Variants in NCAM2 observed in about 807,000 individuals in gnomAD.
NCAM2 encodes the protein neural cell adhesion molecule 2.
In NCAM2, 30 loss-of-function variants were observed where a neutral mutation model predicts 98.1. The observed-to-expected ratio is 0.31, with a 90% CI of 0.23 to 0.41. The LOEUF is 0.41. NCAM2 is among the 10% of genes least tolerant of loss of function. NCAM2 has a pLI of 1.00. For missense variants in NCAM2, 867 were observed against 1,005.8 expected (o/e 0.86, Z 1.87); for synonymous variants, 368 against 342.4 (o/e 1.07, Z -0.83).
intron 1 of NCAM2, among the ~76,000 whole-genome samples, chr21:21,042,480 G>T (rs1270213740): frequency 6.6e-6 from 1 of 152,084 alleles, no homozygotes; most frequent in Admixed American, 6.6e-5. Flanking sequence ...CACTGCGCCT[G>T]ACCTTCATAT....
intron 1 of NCAM2, among the ~76,000 whole-genome samples, chr21:21,188,522 T>C (rs546468824): frequency 1.3e-5 from 2 of 152,306 alleles, no homozygotes; most frequent in African/African-American, 4.8e-5. Flanking sequence ...ATTGTGTTAT[T>C]CTCTAAAGGA....
chr21:21,496,068 A>G (rs62216091), intron 15 of NCAM2, among the ~76,000 whole-genome samples: 17,301 of 150,262 alleles, frequency 0.12, 1,198 homozygotes, highest in East Asian at 0.3. Context: ...GTACAGCACA[A>G]TGATGAACAT....
intron 1 of NCAM2, among the ~76,000 whole-genome samples, chr21:21,085,200 G>GGT (rs917827675): frequency 3.9e-4 from 49 of 125,220 alleles, no homozygotes; most frequent in African/African-American, 1.8e-3. Context: ...GTCTAGTTGG[G>GGT]GTTTTTTTTT....
chr21:21,444,245 T>C (rs1408907270), intron 12 of NCAM2, among the ~76,000 whole-genome samples: 1 of 152,206 alleles, frequency 6.6e-6, no homozygotes, highest in Non-Finnish European at 1.5e-5. Context: ...CAGTATTTTA[T>C]TGAGGATTTT....
In NCAM2 at chr21:21,081,804, GAAAAAGAAAA is replaced by G. The variant is rs1351378402; in HGVS notation, c.55+83202_55+83211del. ...TGGCAGAATGAGACTCCCTCTCAAA[GAAAAAGAAAA>G]AAAAAGAAAAAAAAATTATCTCATG... On this transcript the variant is annotated intron_variant, in intron 1 of 17. Coordinates refer to ENST00000400546, the MANE Select transcript of NCAM2 (RefSeq NM_004540.5). 3.4e-5 allele frequency among the ~76,000 whole-genome samples: 5 copies of G among 147,180 alleles called. No homozygotes were observed. In the East Asian group the frequency reaches 8.0e-4, roughly 24 times the overall value.
chr21:21,531,812 C>T (rs1398885183), intron 16 of NCAM2, among the ~76,000 whole-genome samples: 1 of 142,538 alleles, frequency 7.0e-6, no homozygotes, highest in Non-Finnish European at 1.5e-5. Flanking sequence ...AACCCCGTCT[C>T]TACTAAAAAA....
intron 1 of NCAM2, among the ~76,000 whole-genome samples, chr21:21,038,256 A>C (rs543155359): frequency 1.3e-5 from 2 of 152,342 alleles, no homozygotes; most frequent in East Asian, 3.9e-4. Flanking sequence ...TTTCAGCTGA[A>C]ATTTTGTATA....
At chr21:21,356,005 C>T (rs1052518114) in intron 8 of NCAM2, among the ~76,000 whole-genome samples, 3 of 152,138 alleles carry the variant, frequency 2.0e-5, no homozygotes, top group Non-Finnish European at 4.4e-5. Context: ...CAAAGTGGTC[C>T]TTGCTGTTTC....
At chr21:21,121,807 G>T in intron 1 of NCAM2, among the ~76,000 whole-genome samples, 1 of 152,306 alleles carries the variant, frequency 6.6e-6, no homozygotes, top group South Asian at 2.1e-4. Flanking sequence ...CCCATGGATC[G>T]ATCTGCTGCC....
intron 12 of NCAM2, among the ~76,000 whole-genome samples, chr21:21,460,043 A>T (rs553563800): frequency 6.6e-6 from 1 of 151,958 alleles, no homozygotes; most frequent in African/African-American, 2.4e-5. Context: ...ATATCAAAAC[A>T]TCAAGTTAAA....
chr21:21,530,283 T>TTTAAA (rs1157179746), intron 16 of NCAM2, among the ~76,000 whole-genome samples: 4 of 131,656 alleles, frequency 3.0e-5, no homozygotes, highest in African/African-American at 1.2e-4. Flanking sequence ...TATAATTTAA[T>TTTAAA]TTAATTATAT....
At chr21:21,082,908 AG>A (rs1434162966) in intron 1 of NCAM2, among the ~76,000 whole-genome samples, 1 of 152,200 alleles carries the variant, frequency 6.6e-6, no homozygotes, top group African/African-American at 2.4e-5. Flanking sequence ...TTCAGAATTG[AG>A]GTCAAATATC....
chr21:21,033,272 G>A (rs923159075), intron 1 of NCAM2, among the ~76,000 whole-genome samples: 7 of 152,148 alleles, frequency 4.6e-5, no homozygotes, highest in Admixed American at 6.6e-5. Context: ...CATACAAGAC[G>A]AACATGTGTG....
intron 12 of NCAM2, among the ~76,000 whole-genome samples, chr21:21,448,115 T>C (rs574790239): frequency 2.0e-5 from 3 of 152,176 alleles, no homozygotes; most frequent in African/African-American, 7.2e-5. Flanking sequence ...TGCAGCACTA[T>C]TTACAATAGC....
At chr21:21,452,075 G>A (rs750014872) in intron 12 of NCAM2, among the ~76,000 whole-genome samples, 36 of 151,078 alleles carry the variant, frequency 2.4e-4, no homozygotes, top group Non-Finnish European at 4.6e-4. Context: ...CCTTTCTTTC[G>A]TTTTAGGATA....
At chr21:21,398,762 A>T (rs1274833375) in intron 9 of NCAM2, among the ~76,000 whole-genome samples, 1 of 152,198 alleles carries the variant, frequency 6.6e-6, no homozygotes, top group East Asian at 1.9e-4. Flanking sequence ...CTAAATATTG[A>T]GAGACATGAA....
At chr21:21,287,448 TG>T (rs1394765354) in intron 4 of NCAM2, among the ~76,000 whole-genome samples, 3 of 152,024 alleles carry the variant, frequency 2.0e-5, no homozygotes, top group African/African-American at 7.2e-5. Flanking sequence ...TATTTCCTCT[TG>T]TTCTGTTTCA....
At chr21:21,508,410 T>C (rs10211947) in intron 15 of NCAM2, among the ~76,000 whole-genome samples, 41,176 of 151,898 alleles carry the variant, frequency 0.27, 6,698 homozygotes, top group East Asian at 0.43. Context: ...TATAGAAGAT[T>C]TATTTAACAC....
chr21:21,259,944 AC>A (rs2147338929), intron 1 of NCAM2, among the ~76,000 whole-genome samples: 1 of 146,228 alleles, frequency 6.8e-6, no homozygotes, highest in Admixed American at 6.7e-5. Flanking sequence ...ACACACACAC[AC>A]ACACACACAC....
Sources: gnomAD v4.1 joint callset for allele counts (sites outside exome capture counted in the v4.1 genomes callset) on GRCh38, gnomAD v4.1.1 for gene constraint, MANE v1.5 for transcripts, NCBI Gene and HGNC (gene_info 2026-07-23, HGNC 2026-07-21) for gene names.